RORA: variants seen among roughly 807,000 people sequenced by gnomAD.
RORA encodes the protein nuclear receptor ROR-alpha.
Under a neutral mutation model 69.5 loss-of-function variants are expected in RORA, and 7 were observed. The ratio of observed to expected loss-of-function variants is 0.10; its 90% confidence interval spans 0.06 to 0.19. RORA has a LOEUF of 0.19. RORA is among the 10% of genes least tolerant of loss of function. The pLI is 1.00. For synonymous variants in RORA, 261 were observed against 240.8 expected, an observed-to-expected ratio of 1.08 and a Z score of -0.78; for missense variants, 457 against 663.0, an observed-to-expected ratio of 0.69 and a Z score of 3.41.
intron 1 of RORA, among the ~76,000 whole-genome samples, chr15:60,967,546 A>G (rs186741537): frequency 5.3e-5 from 8 of 152,224 alleles, no homozygotes; most frequent in Admixed American, 5.2e-4. Flanking sequence ...GTTTTGGCAC[A>G]TATTTGCAGA....
At chr15:60,806,125 A>G (rs2072656602) in intron 1 of RORA, among the ~76,000 whole-genome samples, 1 of 152,164 alleles carries the variant, frequency 6.6e-6, no homozygotes, top group Non-Finnish European at 1.5e-5. Context: ...TCTTCCTTTC[A>G]GTAGAAAAGT....
At chr15:60,994,603 G>A (rs1280149576) in intron 1 of RORA, among the ~76,000 whole-genome samples, 2 of 152,174 alleles carry the variant, frequency 1.3e-5, no homozygotes, top group African/African-American at 4.8e-5. Context: ...ATTTGAGAAG[G>A]AGAAATCCTG....
At chr15:60,739,790 C>G (rs959936524) in intron 1 of RORA, among the ~76,000 whole-genome samples, 10 of 152,094 alleles carry the variant, frequency 6.6e-5, no homozygotes, top group African/African-American at 2.2e-4. Flanking sequence ...GGGAGCTGAG[C>G]CCCACTAGGT....
chr15:60,869,029 G>A (rs750715789), intron 1 of RORA, among the ~76,000 whole-genome samples: 44 of 151,990 alleles, frequency 2.9e-4, no homozygotes, highest in East Asian at 1.9e-4. Context: ...CATCAACCTC[G>A]GACCAAATCA....
chr15:61,203,547 A>C (rs1308324602), intron 1 of RORA, among the ~76,000 whole-genome samples: 3 of 152,238 alleles, frequency 2.0e-5, no homozygotes, highest in Non-Finnish European at 4.4e-5. Context: ...AGACAGACAG[A>C]AAAGGAGATA....
chr15:61,113,329 C>G (rs537405478), intron 1 of RORA, among the ~76,000 whole-genome samples: 1 of 152,176 alleles, frequency 6.6e-6, no homozygotes, highest in Non-Finnish European at 1.5e-5. Context: ...AAGACCAGAA[C>G]AGTAGGTGGG....
intron 2 of RORA, among the ~76,000 whole-genome samples, chr15:60,662,431 A>G (rs1189929033): frequency 3.3e-5 from 5 of 152,266 alleles, no homozygotes; most frequent in Non-Finnish European, 7.3e-5. Context: ...AGTTCTTTGC[A>G]GGCATTCTTT....
intron 1 of RORA, among the ~76,000 whole-genome samples, chr15:60,748,394 G>A (rs564080209): frequency 1.3e-5 from 2 of 151,844 alleles, no homozygotes; most frequent in South Asian, 2.1e-4. Context: ...CAAGGGAATG[G>A]GTCCAGAGAT....
At chr15:60,778,473 C>CAACT (rs1199615356) in intron 1 of RORA, among the ~76,000 whole-genome samples, 2 of 152,264 alleles carry the variant, frequency 1.3e-5, no homozygotes, top group Middle Eastern at 6.8e-3. Context: ...TCGGTGCAGA[C>CAACT]AACTGGCTGT....
chr15:60,935,910 T>C (rs1210903174), intron 1 of RORA, among the ~76,000 whole-genome samples: 1 of 152,248 alleles, frequency 6.6e-6, no homozygotes, highest in Non-Finnish European at 1.5e-5. Flanking sequence ...TCTTGTTTAC[T>C]GCAGACAGAA....
intron 1 of RORA, among the ~76,000 whole-genome samples, chr15:60,941,857 G>C (rs1000511628): frequency 6.6e-6 from 1 of 152,134 alleles, no homozygotes; most frequent in Non-Finnish European, 1.5e-5. Flanking sequence ...GAAAAGACGT[G>C]CAAACCGGAA....
chr15:60,555,446 A>C lies in RORA; in HGVS notation c.197-23595T>G, dbSNP rs138905875. On this transcript the variant is annotated intron_variant, in intron 2 of 10. Transcript: ENST00000335670. ...TTGCTGTTCACAATAACGCTTTTAA[A>C]CCAGCAATTGTTTACACTGTACTAC... Among the ~76,000 whole-genome samples, 490 of 152,306 alleles carry C rather than the reference A, an allele frequency of 3.2e-3. 6 individuals are homozygous for C. Among genetic ancestry groups the C allele is most frequent in the African/African-American group, 0.011 (466 of 41,572 alleles).
At chr15:60,589,918 C>T (rs2068448144) in intron 2 of RORA, among the ~76,000 whole-genome samples, 1 of 152,144 alleles carries the variant, frequency 6.6e-6, no homozygotes, top group Non-Finnish European at 1.5e-5. Flanking sequence ...GTTATACAAA[C>T]TGTCTTACAC....
At chr15:60,721,816 T>A (rs1023538893) in intron 1 of RORA, among the ~76,000 whole-genome samples, 1 of 152,278 alleles carries the variant, frequency 6.6e-6, no homozygotes, top group African/African-American at 2.4e-5. Flanking sequence ...AAAGATTATT[T>A]CTGCAGAGGG....
At chr15:60,603,164 T>C (rs184196023) in intron 2 of RORA, among the ~76,000 whole-genome samples, 32 of 152,348 alleles carry the variant, frequency 2.1e-4, no homozygotes, top group Admixed American at 1.8e-3. Flanking sequence ...CATTCCTCAA[T>C]TGAAGGACAG....
At chr15:60,974,349 T>TG (rs1343415047) in intron 1 of RORA, among the ~76,000 whole-genome samples, 1 of 152,176 alleles carries the variant, frequency 6.6e-6, no homozygotes, top group Non-Finnish European at 1.5e-5. Context: ...AGCACCCCCT[T>TG]GCCAGCTCAT....
At chr15:60,550,033 C>T (rs1243881260) in intron 2 of RORA, among the ~76,000 whole-genome samples, 1 of 151,868 alleles carries the variant, frequency 6.6e-6, no homozygotes. Flanking sequence ...TGGCTCACGC[C>T]TGTAATCCCA....
At chr15:60,548,416 A>C (rs1595954475) in intron 2 of RORA, among the ~76,000 whole-genome samples, 1 of 152,106 alleles carries the variant, frequency 6.6e-6, no homozygotes, top group Non-Finnish European at 1.5e-5. Context: ...CTGTGCTAGT[A>C]CTTTTCCAAA....
rs139850088 is a variant in RORA, at chr15:61,225,616, C to A, written c.166+3437G>T. 9.8e-5 allele frequency among the ~76,000 whole-genome samples: 15 copies of A among 152,320 alleles called. No individual in the cohort carries two copies. The East Asian group carries it at 2.9e-3, about 29-fold the overall frequency. On this transcript the variant is annotated intron_variant, in intron 1 of 10. Transcript: ENST00000335670. ...TCGATTTTTCCCTTAGGTCTGCCGG[C>A]CCTAAAAGCCTTCAACCTTCAGCAC...
Sources: gnomAD v4.1 joint callset for allele counts (sites outside exome capture counted in the v4.1 genomes callset) on GRCh38, gnomAD v4.1.1 for gene constraint, MANE v1.5 for transcripts, NCBI Gene and HGNC (gene_info 2026-07-23, HGNC 2026-07-21) for gene names.